GLYR1: variants seen among roughly 807,000 people sequenced by gnomAD.
GLYR1 encodes the protein cytokine-like nuclear factor N-PAC.
A neutral mutation model predicts 72.7 loss-of-function variants in GLYR1; 21 were observed. The observed-to-expected ratio is 0.29, with a 90% CI of 0.20 to 0.42. The LOEUF (loss-of-function observed/expected upper bound fraction) is 0.42, where lower values mean the gene tolerates loss of function less well. Among genes scored for constraint, GLYR1 ranks in the 10% least tolerant of loss-of-function variants. The pLI, the probability that GLYR1 is intolerant of heterozygous loss-of-function variation, is 1.00. For synonymous variants in GLYR1, 392 were observed against 270.2 expected (o/e 1.45, Z -4.42); for missense variants, 594 against 712.1 (o/e 0.83, Z 1.89).
rs1240150385 is a variant in GLYR1, at chr16:4,821,624, C to G, written c.682-27G>C. ...TAATGAAGGAGGAGGAAAGAGACTA[C>G]TTGTGCTACTGCAGGCTTAACCAGT... is the stretch of plus-strand genomic sequence containing the variant. On this transcript the variant is annotated intron_variant, in intron 7 of 15. Coordinates refer to ENST00000321919, the MANE Select transcript of GLYR1 (RefSeq NM_032569.4). 3.1e-6 allele frequency: 5 copies of G among 1,607,168 alleles called. No homozygotes were observed. In the South Asian group the frequency reaches 5.5e-5, roughly 18 times the overall value.
rs929034093 is a variant in GLYR1, at chr16:4,831,839, G to T, written c.537+140C>A. 5 of 1,252,830 alleles carry T rather than the reference G, an allele frequency of 4.0e-6. No homozygotes were observed. In the African/African-American group the frequency reaches 4.5e-5, roughly 11 times the overall value. The allele number at this position is 1,252,830 out of a possible 1,614,324, so 77.6% of individuals were successfully genotyped here. A position where few individuals can be genotyped will look rare whatever the true frequency, so the allele number is the denominator to read the frequency against. Reference sequence around the variant, plus strand: ...ATGAGCCACCGCACCTGCCCTGCAGGATTCTTGAGCACAGAATTCTGCTCC... The same window carrying T: ...ATGAGCCACCGCACCTGCCCTGCAGTATTCTTGAGCACAGAATTCTGCTCC... On this transcript the variant is annotated intron_variant, in intron 5 of 15. Coordinates refer to ENST00000321919, the MANE Select transcript of GLYR1 (RefSeq NM_032569.4).
intron 12 of GLYR1, among the ~76,000 whole-genome samples, chr16:4,812,745 C>T (rs1000178227): frequency 2.6e-5 from 4 of 151,946 alleles, no homozygotes; most frequent in Non-Finnish European, 5.9e-5. Flanking sequence ...CCCGCCTCGG[C>T]CTCCCAAAGT....
intron 15 of GLYR1, among the ~76,000 whole-genome samples, chr16:4,808,053 T>C (rs529587251): frequency 6.6e-6 from 1 of 151,826 alleles, no homozygotes; most frequent in Non-Finnish European, 1.5e-5. Flanking sequence ...CTGGTCAAAA[T>C]GGTAAAACCC....
chr16:4,816,049 A>G (rs780970665), intron 10 of GLYR1, among the ~76,000 whole-genome samples: 4 of 152,160 alleles, frequency 2.6e-5, no homozygotes, highest in Non-Finnish European at 1.5e-5. Flanking sequence ...GATTATAGGC[A>G]TGAGCCACCG....
chr16:4,845,239 T>C, intron 2 of GLYR1, 86 bp from the exon 3 acceptor site: 1 of 855,390 alleles, frequency 1.2e-6, no homozygotes, highest in Middle Eastern at 2.3e-4. Flanking sequence ...CAGTTCTACG[T>C]TGCTAAGAAA....
chr16:4,821,533 T>A lies in GLYR1; in HGVS notation c.732+14A>T, dbSNP rs771092695. On this transcript the variant is annotated intron_variant, in intron 8 of 15. Coordinates refer to ENST00000321919, the MANE Select transcript of GLYR1 (RefSeq NM_032569.4). ...AGGTGAAAATTAAAATGGGGAGGCA[T>A]GGAGCCTACATACCTCTTCACATAT... is the stretch of plus-strand genomic sequence containing the variant. 8 of 1,613,988 alleles carry A rather than the reference T, an allele frequency of 5.0e-6. No individual in the cohort carries two copies. Among genetic ancestry groups the A allele is most frequent in the Non-Finnish European group, 6.8e-6 (8 of 1,179,904 alleles).
chr16:4,820,713 T>G (rs542513829), intron 9 of GLYR1, among the ~76,000 whole-genome samples: 1 of 152,358 alleles, frequency 6.6e-6, no homozygotes, highest in South Asian at 2.1e-4. Context: ...TTAGCTAACT[T>G]GCTCCAGAGA....
At chr16:4,810,843 G>A (rs1349972858) in intron 15 of GLYR1, among the ~76,000 whole-genome samples, 1 of 150,270 alleles carries the variant, frequency 6.7e-6, no homozygotes, top group Admixed American at 6.6e-5. Context: ...GGTAGCTCAT[G>A]CCTGTAATCC....
At chr16:4,813,555 C>T (rs1439767602) in intron 12 of GLYR1, among the ~76,000 whole-genome samples, 182 bp downstream of exon 12, 1 of 152,230 alleles carries the variant, frequency 6.6e-6, no homozygotes, top group Non-Finnish European at 1.5e-5. Flanking sequence ...CTGCCCATGG[C>T]TGTTCAGACT....
At chr16:4,834,498 T>G (rs1019624639) in intron 3 of GLYR1, among the ~76,000 whole-genome samples, 2 of 151,336 alleles carry the variant, frequency 1.3e-5, no homozygotes, top group Non-Finnish European at 2.9e-5. Context: ...AGTCTCATTT[T>G]GTCACCTAGG....
At chr16:4,827,813 T>C (rs1015117037) in intron 5 of GLYR1, among the ~76,000 whole-genome samples, 1 of 151,706 alleles carries the variant, frequency 6.6e-6, no homozygotes, top group Non-Finnish European at 1.5e-5. Flanking sequence ...GGCAGGAGAA[T>C]GGCATTAACC....
rs568931735 is a variant in GLYR1, at chr16:4,829,034, G to C, written c.537+2945C>G. 7.9e-5 allele frequency among the ~76,000 whole-genome samples: 12 copies of C among 152,078 alleles called. No homozygotes were observed. The East Asian group carries it at 2.3e-3, about 29-fold the overall frequency. On this transcript the variant is annotated intron_variant, in intron 5 of 15. Coordinates refer to ENST00000321919, the MANE Select transcript of GLYR1 (RefSeq NM_032569.4). ...ACTCAGAAGTCACATTACATTTTTT[G>C]TGGGTCAATTTAGATCATGTTCCCT...
chr16:4,816,664 A>T (rs1304912325), intron 10 of GLYR1, among the ~76,000 whole-genome samples: 3 of 151,976 alleles, frequency 2.0e-5, no homozygotes. Context: ...CTATGTTAGT[A>T]TTTATTTTCT....
At chr16:4,826,503 C>T (rs2141999849) in intron 5 of GLYR1, among the ~76,000 whole-genome samples, 1 of 152,344 alleles carries the variant, frequency 6.6e-6, no homozygotes, top group Non-Finnish European at 1.5e-5. Context: ...CCCATGCTGC[C>T]ATACAGTCCA....
chr16:4,813,368 T>C (rs2141959501), intron 12 of GLYR1, among the ~76,000 whole-genome samples: 1 of 152,286 alleles, frequency 6.6e-6, no homozygotes, highest in South Asian at 2.1e-4. Flanking sequence ...AGAACATATG[T>C]GGGTCCCAAA....
intron 5 of GLYR1, among the ~76,000 whole-genome samples, chr16:4,830,470 T>A (rs1255669030): frequency 6.6e-6 from 1 of 152,186 alleles, no homozygotes; most frequent in African/African-American, 2.4e-5. Flanking sequence ...CCTGCTGCTC[T>A]GAGCACCAAG....
At chr16:4,806,445 C>G (rs913840423) in intron 15 of GLYR1, among the ~76,000 whole-genome samples, 7 of 151,254 alleles carry the variant, frequency 4.6e-5, no homozygotes, top group African/African-American at 1.7e-4. Context: ...CAGCCTCGAA[C>G]TCCTGGGCTC....
intron 2 of GLYR1, among the ~76,000 whole-genome samples, chr16:4,845,973 G>A (rs1222863269): frequency 6.6e-6 from 1 of 152,158 alleles, no homozygotes; most frequent in Non-Finnish European, 1.5e-5. Flanking sequence ...CCAGAAATAA[G>A]GGTTTAGAGA....
At chr16:4,829,737 A>G (rs2032613254) in intron 5 of GLYR1, among the ~76,000 whole-genome samples, 1 of 151,934 alleles carries the variant, frequency 6.6e-6, no homozygotes, top group Non-Finnish European at 1.5e-5. Flanking sequence ...CAGTGGCGCA[A>G]TCTCGGCTCA....
Sources: allele counts gnomAD v4.1 joint callset (sites outside exome capture counted in the v4.1 genomes callset), GRCh38; gene constraint gnomAD v4.1.1; transcripts MANE v1.5; gene names NCBI Gene and HGNC (gene_info 2026-07-23, HGNC 2026-07-21).